ACSL3: variants seen among roughly 807,000 people sequenced by gnomAD.
The protein encoded by ACSL3 is fatty acid CoA ligase Acsl3.
Under a neutral mutation model 84.7 loss-of-function variants are expected in ACSL3, and 34 were observed. The ratio of observed to expected loss-of-function variants is 0.40; its 90% CI spans 0.31 to 0.53. ACSL3 has a LOEUF of 0.53. ACSL3 is among the 20% of genes least tolerant of loss of function. The probability of loss-of-function intolerance (pLI) is 0.48; values close to 1 mark genes in which losing one functional copy is unlikely to be tolerated. For missense variants in ACSL3, 680 were observed against 873.1 expected (o/e 0.78, Z 2.79); for synonymous variants, 315 against 299.4 (o/e 1.05, Z -0.54).
intron 4 of ACSL3, among the ~76,000 whole-genome samples, chr2:222,911,476 C>G (rs1183854756): frequency 6.6e-6 from 1 of 152,170 alleles, no homozygotes; most frequent in African/African-American, 2.4e-5. Flanking sequence ...CTTATAGATT[C>G]ATTTTTTTGT....
At chr2:222,919,957 G>A (rs1205342511) in intron 7 of ACSL3, among the ~76,000 whole-genome samples, 1 of 152,156 alleles carries the variant, frequency 6.6e-6, no homozygotes, top group Admixed American at 6.5e-5. Context: ...AGCTGTGGGA[G>A]TAGGGGGTGA....
chr2:222,922,658 G>A (rs755760746), intron 8 of ACSL3, 50 bp from the exon 9 acceptor site: 1 of 1,608,120 alleles, frequency 6.2e-7, no homozygotes. Context: ...GGGCACTTTT[G>A]GCATAGACGA....
chr2:222,882,208 G>A (rs1695606849), intron 1 of ACSL3, among the ~76,000 whole-genome samples: 1 of 152,320 alleles, frequency 6.6e-6, no homozygotes, highest in African/African-American at 2.4e-5. Flanking sequence ...TTTGTGGAAT[G>A]TAAATTTTCT....
intron 3 of ACSL3, among the ~76,000 whole-genome samples, chr2:222,901,631 T>C (rs1696152495): frequency 6.6e-6 from 1 of 152,152 alleles, no homozygotes; most frequent in Admixed American, 6.5e-5. Context: ...TAACCTTAGA[T>C]TTAATGAACT....
In ACSL3 at chr2:222,930,827, AT is replaced by A. The variant is rs747297086; in HGVS notation, c.1732+22del. ...AAAGATTATTGGTAAGTCATCTAAT[AT>A]TTTTTTGAAAATGAATGTTTCTGAA... On this transcript the variant is annotated intron_variant, in intron 14 of 16. Transcript: ENST00000357430. 3 of 1,576,518 alleles carry A rather than the reference AT, an allele frequency of 1.9e-6. No homozygotes were observed. The highest frequency in any genetic ancestry group is 2.6e-6 in the Non-Finnish European group (3 of 1,162,388).
chr2:222,874,834 A>C (rs116252769), intron 1 of ACSL3, among the ~76,000 whole-genome samples: 2 of 152,034 alleles, frequency 1.3e-5, no homozygotes, highest in Non-Finnish European at 2.9e-5. Context: ...TTTTTAAATT[A>C]CATTGGCTCA....
In ACSL3 at chr2:222,928,945, C is replaced by T. The variant is rs1222732186; in HGVS notation, c.1540+9C>T. On this transcript the variant is annotated intron_variant, in intron 13 of 16. Transcript: ENST00000357430. ...AAAAAACTGGGAGGAAGGTAATAAA[C>T]TATTTTAACCACAGAGCATTAATTT... 1 of 1,604,328 alleles carries T rather than the reference C, an allele frequency of 6.2e-7. No homozygotes were observed. Among genetic ancestry groups the T allele is most frequent in the Non-Finnish European group, 8.5e-7 (1 of 1,172,280 alleles).
intron 2 of ACSL3, among the ~76,000 whole-genome samples, chr2:222,899,341 G>C (rs1408292788): frequency 6.6e-6 from 1 of 152,078 alleles, no homozygotes; most frequent in Non-Finnish European, 1.5e-5. Flanking sequence ...TGGGCGTGGT[G>C]GCAGGCGACT....
At chr2:222,905,574 C>T (rs910343786) in intron 3 of ACSL3, among the ~76,000 whole-genome samples, 1 of 152,212 alleles carries the variant, frequency 6.6e-6, no homozygotes, top group Non-Finnish European at 1.5e-5. Flanking sequence ...CTTTGCAACT[C>T]TGATGTTCTA....
rs1194166897 is a variant in ACSL3, at chr2:222,942,832, G to A, written c.*1178G>A. The stretch of plus-strand genomic sequence containing the variant: ...CATGAGAATTTAACTTTATAACCGC[G>A]TGAGTTAAGATTTAATTCATAGGTT... On this transcript the variant is annotated 3_prime_UTR_variant, in exon 17 of 17. Coordinates refer to ENST00000357430, the MANE Select transcript of ACSL3 (RefSeq NM_004457.5). 1 of 220,370 alleles carries A rather than the reference G, an allele frequency of 4.5e-6. No individual in the cohort carries two copies. The highest frequency in any genetic ancestry group is 9.1e-6 in the Non-Finnish European group (1 of 110,076). 13.7% of individuals were successfully genotyped at this position (220,370 alleles called of 1,614,324 possible).
chr2:222,881,608 C>T (rs1407430600), intron 1 of ACSL3, among the ~76,000 whole-genome samples: 1 of 152,192 alleles, frequency 6.6e-6, no homozygotes, highest in Non-Finnish European at 1.5e-5. Flanking sequence ...CCTCCGCTTC[C>T]CGGGTTCAAG....
rs1384554843 is a variant in ACSL3, at chr2:222,916,562, T to G, written c.556+66T>G. ...TGATATTTATTGAAATACTTTACTC[T>G]GAAGAGGTTAAAATTCTGATGTTAA... On this transcript the variant is annotated intron_variant, in intron 5 of 16. Coordinates refer to ENST00000357430, the MANE Select transcript of ACSL3 (RefSeq NM_004457.5). 6 of 1,442,086 alleles carry G rather than the reference T, an allele frequency of 4.2e-6. No individual in the cohort carries two copies. The African/African-American group carries it at 8.5e-5, about 21-fold the overall frequency. 89.3% of individuals were successfully genotyped at this position (1,442,086 alleles called of 1,614,324 possible). A position where few individuals can be genotyped will look rare whatever the true frequency, so the allele number is the denominator to read the frequency against.
At chr2:222,868,210 A>G (rs1462080303) in intron 1 of ACSL3, among the ~76,000 whole-genome samples, 4 of 151,646 alleles carry the variant, frequency 2.6e-5, no homozygotes, top group Non-Finnish European at 2.9e-5. Flanking sequence ...CACTTTTTTC[A>G]TTGCAGTTTG....
At chr2:222,936,608 T>TCCCACCCCC (rs1697176021) in intron 16 of ACSL3, among the ~76,000 whole-genome samples, 1 of 131,188 alleles carries the variant, frequency 7.6e-6, no homozygotes. Context: ...TTCTGCACCC[T>TCCCACCCCC]CCCCCCCCAC....
At chr2:222,899,436 C>G (rs1696078034) in intron 2 of ACSL3, among the ~76,000 whole-genome samples, 1 of 152,098 alleles carries the variant, frequency 6.6e-6, no homozygotes, top group Admixed American at 6.5e-5. Flanking sequence ...GATCGCATCA[C>G]TGCTCTCCAG....
intron 2 of ACSL3, among the ~76,000 whole-genome samples, chr2:222,899,482 TA>T (rs959657577): frequency 7.9e-5 from 12 of 151,536 alleles, no homozygotes. Context: ...CAAAAAAGAA[TA>T]AAAAAATAAA....
rs1197849915 is a variant in ACSL3 at position 222,931,239 on chromosome 2, A to T, written c.1732+427A>T. On this transcript the variant is annotated intron_variant, in intron 14 of 16. Coordinates refer to ENST00000357430, the MANE Select transcript of ACSL3 (RefSeq NM_004457.5). ...TTCTCCTTTTAGGTTCTTTTTTTTT[A>T]AAAGTTAATGGCATTTCAGTTAGCC... Among the ~76,000 whole-genome samples the T allele has an allele frequency of 7.9e-5, 12 of 151,682 alleles. No homozygotes were observed. The East Asian group carries it at 1.4e-3, about 17-fold the overall frequency.
rs1318406211 is a variant in ACSL3 at position 222,866,601 on chromosome 2, TCTC to T, written c.-207+5347_-207+5349del. ...CCCTGTTCTTAACCTGGGCGCTGCA[TCTC>T]CTCTCTGGAGTGACAGTTTGAAGTT... On this transcript the variant is annotated intron_variant, in intron 1 of 16. Coordinates refer to ENST00000357430, the MANE Select transcript of ACSL3 (RefSeq NM_004457.5). Among the ~76,000 whole-genome samples, 6 of 152,104 alleles carry T rather than the reference TCTC, an allele frequency of 3.9e-5. No homozygotes were observed. The South Asian group carries it at 1.0e-3, about 26-fold the overall frequency.
chr2:222,941,384 T>C, intron 16 of ACSL3, 113 bp from the exon 17 acceptor site: 1 of 759,816 alleles, frequency 1.3e-6, no homozygotes. Context: ...GTGACATTCA[T>C]GGTTCACTTG....
Sources: gnomAD v4.1 joint callset for allele counts (sites outside exome capture counted in the v4.1 genomes callset) on GRCh38, gnomAD v4.1.1 for gene constraint, MANE v1.5 for transcripts, NCBI Gene and HGNC (gene_info 2026-07-23, HGNC 2026-07-21) for gene names.